SLC7A7: variants seen among roughly 807,000 people sequenced by gnomAD.
SLC7A7 encodes Y+L amino acid transporter 1.
In SLC7A7, 39 loss-of-function variants were observed where a neutral mutation model predicts 47.9. The ratio of observed to expected loss-of-function variants is 0.81; its 90% CI spans 0.63 to 1.06. The LOEUF (loss-of-function observed/expected upper bound fraction) is 1.06, where lower values mean the gene tolerates loss of function less well. SLC7A7 is among the 50% of genes least tolerant of loss of function. The probability of loss-of-function intolerance (pLI) is 0.00; values close to 1 mark genes in which losing one functional copy is unlikely to be tolerated. For missense variants in SLC7A7, 588 were observed against 632.0 expected, an observed-to-expected ratio of 0.93 and a Z score of 0.75; for synonymous variants, 234 against 242.8, an observed-to-expected ratio of 0.96 and a Z score of 0.34.
rs764534252 is a variant in SLC7A7, at chr14:22,775,963, T to C, written c.895-27A>G. On this transcript the variant is annotated intron_variant, in intron 5 of 9. Coordinates refer to ENST00000674313, the MANE Select transcript of SLC7A7 (RefSeq NM_003982.4). ...TAAGGGAAAAGAATGGAAGAGTCAT[T>C]AGCAGGATCTAAAAGGGATGAAAGA... 14 of 1,570,622 alleles carry C rather than the reference T, an allele frequency of 8.9e-6. No homozygotes were observed. The South Asian group carries it at 1.1e-4, about 12-fold the overall frequency.
chr14:22,784,077 G>A (rs1041354120), intron 2 of SLC7A7, among the ~76,000 whole-genome samples: 1 of 152,210 alleles, frequency 6.6e-6, no homozygotes. Flanking sequence ...TGCTCTTGAA[G>A]TGGAGCCCAA....
chr14:22,788,705 G>GAAAA (rs199558705), intron 2 of SLC7A7, among the ~76,000 whole-genome samples: 1 of 118,836 alleles, frequency 8.4e-6, no homozygotes, highest in Non-Finnish European at 1.8e-5. Flanking sequence ...CTCTGTCTGG[G>GAAAA]AAAAAAAAAA....
intron 2 of SLC7A7, among the ~76,000 whole-genome samples, chr14:22,786,525 CCA>C (rs1487243890): frequency 1.3e-5 from 2 of 152,190 alleles, no homozygotes; most frequent in Non-Finnish European, 1.5e-5. Context: ...ACAGAAAACT[CCA>C]GACCGTGTTG....
At chr14:22,784,583 A>C (rs1046646327) in intron 2 of SLC7A7, among the ~76,000 whole-genome samples, 15 of 151,534 alleles carry the variant, frequency 9.9e-5, no homozygotes, top group Non-Finnish European at 2.1e-4. Context: ...ACACCACTGC[A>C]CTCCAGCCTG....
chr14:22,775,404 C>A, intron 7 of SLC7A7, 40 bp downstream of exon 7: 2 of 1,528,354 alleles, frequency 1.3e-6, no homozygotes, highest in Non-Finnish European at 1.8e-6. Context: ...AAAGTTTCCC[C>A]CGCAATCTGG....
chr14:22,801,228 T>C (rs1049842334), intron 2 of SLC7A7, among the ~76,000 whole-genome samples: 2 of 152,092 alleles, frequency 1.3e-5, no homozygotes, highest in Non-Finnish European at 2.9e-5. Context: ...CTCTCAACCT[T>C]TTCTTCCTGA....
intron 9 of SLC7A7, 89 bp downstream of exon 9, chr14:22,773,844 G>A: frequency 1.3e-6 from 2 of 1,574,834 alleles, no homozygotes; most frequent in Non-Finnish European, 1.7e-6. Flanking sequence ...AGGGGCTAAG[G>A]CAAAGATGTC....
chr14:22,810,593 A>G (rs1482559928), intron 2 of SLC7A7, among the ~76,000 whole-genome samples: 1 of 152,236 alleles, frequency 6.6e-6, no homozygotes, highest in Non-Finnish European at 1.5e-5. Context: ...AGGGTGCTCC[A>G]AGACCAATAG....
chr14:22,786,021 C>CAA lies in SLC7A7; in HGVS notation c.500-5972_500-5971dup, dbSNP rs1233024478. Among the ~76,000 whole-genome samples the CAA allele has an allele frequency of 2.4e-3, 176 of 73,928 alleles. 6 individuals carry two copies. Among genetic ancestry groups the CAA allele is most frequent in the Middle Eastern group, 0.011 (1 of 90 alleles). The allele number at this position is 73,928 out of a possible 152,430, so 48.5% of individuals were successfully genotyped here. ...TGGGCCACAGAGCGAGACTCTGTCT[C>CAA]AAAAAAAAAAAAAAAAAAGCCAGGT... On this transcript the variant is annotated intron_variant, in intron 2 of 9. Transcript: ENST00000674313.
At chr14:22,800,423 G>C (rs1336887854) in intron 2 of SLC7A7, among the ~76,000 whole-genome samples, 1 of 152,220 alleles carries the variant, frequency 6.6e-6, no homozygotes, top group African/African-American at 2.4e-5. Context: ...ATGGTCTTCT[G>C]TGAATGCCTC....
intron 2 of SLC7A7, among the ~76,000 whole-genome samples, chr14:22,783,806 C>T (rs1326688536): frequency 1.3e-5 from 2 of 152,214 alleles, no homozygotes; most frequent in Admixed American, 6.5e-5. Context: ...GACCCACCTT[C>T]TAGCCCTGAT....
At chr14:22,806,175 A>C in intron 2 of SLC7A7, among the ~76,000 whole-genome samples, 1 of 136,488 alleles carries the variant, frequency 7.3e-6, no homozygotes, top group African/African-American at 2.7e-5. Context: ...ATTATCATTC[A>C]CACATCAATC....
At chr14:22,819,286 C>T (rs1223787307), upstream of SLC7A7, among the ~76,000 whole-genome samples, 1 of 151,940 alleles carries the variant, frequency 6.6e-6, no homozygotes, top group African/African-American at 2.4e-5. Flanking sequence ...ACAACAGAAA[C>T]AGAAAACAGA....
At chr14:22,773,822 G>T in intron 9 of SLC7A7, 106 bp from the exon 10 acceptor site, 1 of 1,550,076 alleles carries the variant, frequency 6.5e-7, no homozygotes. Context: ...CTAAGCCGAA[G>T]GGTTCATAAG....
intron 2 of SLC7A7, among the ~76,000 whole-genome samples, chr14:22,790,197 C>T (rs1026216735): frequency 2.6e-5 from 4 of 151,828 alleles, no homozygotes; most frequent in East Asian, 1.9e-4. Context: ...GGCCTGGTGG[C>T]GTGCACCTGT....
chr14:22,812,630 C>T (rs1424895873), intron 2 of SLC7A7, among the ~76,000 whole-genome samples: 1 of 113,412 alleles, frequency 8.8e-6, no homozygotes, highest in Non-Finnish European at 1.8e-5. Flanking sequence ...AGCAAAATAC[C>T]TGTCTCTTTA....
intron 2 of SLC7A7, among the ~76,000 whole-genome samples, chr14:22,795,942 T>C (rs1197559007): frequency 6.6e-6 from 1 of 152,114 alleles, no homozygotes; most frequent in Non-Finnish European, 1.5e-5. Flanking sequence ...AGAGCAAGGA[T>C]GAGCCCCCAA....
At chr14:22,782,921 C>T (rs1284743121) in intron 2 of SLC7A7, among the ~76,000 whole-genome samples, 1 of 151,112 alleles carries the variant, frequency 6.6e-6, no homozygotes, top group African/African-American at 2.4e-5. Context: ...CACCACCATG[C>T]CCAGCTAATT....
chr14:22,815,733 C>T (rs1423871367), upstream of SLC7A7: 3 of 451,450 alleles, frequency 6.6e-6, no homozygotes, highest in Admixed American at 7.1e-5. Context: ...TGTCCCAGAG[C>T]AAGTTAGCTG....
Sources: gnomAD v4.1 joint callset for allele counts (sites outside exome capture counted in the v4.1 genomes callset) on GRCh38, gnomAD v4.1.1 for gene constraint, MANE v1.5 for transcripts, NCBI Gene and HGNC (gene_info 2026-07-23, HGNC 2026-07-21) for gene names.